The following DPP6 variants were observed in gnomAD, a reference collection of about 807,000 sequenced individuals.
The protein encoded by DPP6 is dipeptidyl peptidase like 6.
DPP6 carries 69 observed loss-of-function variants against 122.6 expected under a neutral mutation model. The observed-to-expected ratio is 0.56, with a 90% CI of 0.46 to 0.69. DPP6 has a LOEUF of 0.69. Among genes scored for constraint, DPP6 ranks in the 30% least tolerant of loss-of-function variants. The probability of loss-of-function intolerance (pLI) is 0.00; values close to 1 mark genes in which losing one functional copy is unlikely to be tolerated. For missense variants in DPP6, 928 were observed against 1,116.9 expected, an observed-to-expected ratio of 0.83 and a Z score of 2.41; for synonymous variants, 418 against 433.1, an observed-to-expected ratio of 0.97 and a Z score of 0.43.
chr7:154,589,214 C>T (rs1832659612), intron 5 of DPP6, among the ~76,000 whole-genome samples: 1 of 152,138 alleles, frequency 6.6e-6, no homozygotes, highest in African/African-American at 2.4e-5. Context: ...TTTTCATGTG[C>T]TGATTTTAAC....
At chr7:153,841,935 T>C in the DPP6 span, among the ~76,000 whole-genome samples, 1 of 152,242 alleles carries the variant, frequency 6.6e-6, no homozygotes, top group Non-Finnish European at 1.5e-5. Flanking sequence ...ATTCTTCGTT[T>C]CTAACTAAAT....
the DPP6 span, among the ~76,000 whole-genome samples, chr7:153,871,975 C>T: frequency 8.5e-5 from 13 of 152,318 alleles, no homozygotes; most frequent in African/African-American, 2.9e-4. Flanking sequence ...ATCATCGTCA[C>T]AATTTTTACG....
the DPP6 span, among the ~76,000 whole-genome samples, chr7:153,875,266 T>G: frequency 6.6e-6 from 1 of 152,202 alleles, no homozygotes; most frequent in Admixed American, 6.5e-5. Flanking sequence ...TCTAAAGTTC[T>G]TCTTCAAAAC....
chr7:154,254,873 A>G (rs1329284306), intron 1 of DPP6, among the ~76,000 whole-genome samples: 1 of 152,216 alleles, frequency 6.6e-6, no homozygotes, highest in Admixed American at 6.5e-5. Flanking sequence ...GACAATGAGC[A>G]TGTTGAAAGC....
At chr7:154,516,601 A>G (rs1826534155) in intron 3 of DPP6, among the ~76,000 whole-genome samples, 1 of 152,236 alleles carries the variant, frequency 6.6e-6, no homozygotes, top group African/African-American at 2.4e-5. Context: ...TCACTTGAGT[A>G]GGACTCTATC....
chr7:154,794,023 G>A (rs79503267), intron 10 of DPP6, 56 bp from the exon 11 acceptor site: 229 of 1,583,330 alleles, frequency 1.4e-4, no homozygotes, highest in Admixed American at 4.3e-4. Context: ...CGGTCCCCTG[G>A]CTTCTGTCGT....
At chr7:154,152,220 A>G (rs1206452935) in intron 1 of DPP6, among the ~76,000 whole-genome samples, 1 of 152,020 alleles carries the variant, frequency 6.6e-6, no homozygotes, top group Non-Finnish European at 1.5e-5. Context: ...TGCCACATGG[A>G]AGAGAGCAGG....
chr7:154,436,231 C>G (rs558759848), intron 1 of DPP6, among the ~76,000 whole-genome samples: 1 of 150,780 alleles, frequency 6.6e-6, no homozygotes, highest in Non-Finnish European at 1.5e-5. Context: ...AGCTTCATCT[C>G]GGATGCTTCA....
chr7:154,252,064 G>A (rs1195494521), intron 1 of DPP6, among the ~76,000 whole-genome samples: 1 of 152,242 alleles, frequency 6.6e-6, no homozygotes, highest in East Asian at 1.9e-4. Context: ...GCAATGTACA[G>A]TCTAGCAGTG....
chr7:154,180,169 G>A (rs762527973), intron 1 of DPP6, among the ~76,000 whole-genome samples: 70 of 151,866 alleles, frequency 4.6e-4, no homozygotes, highest in Admixed American at 1.3e-4. Flanking sequence ...CAAACATGGT[G>A]AAACCTCGTC....
intron 1 of DPP6, among the ~76,000 whole-genome samples, chr7:154,153,254 C>T (rs894283047): frequency 2.0e-5 from 3 of 152,270 alleles, no homozygotes; most frequent in South Asian, 4.1e-4. Context: ...GGCGGGATCT[C>T]GGCTCACTGC....
At chr7:154,558,650 A>C (rs1830207424) in intron 4 of DPP6, among the ~76,000 whole-genome samples, 1 of 152,250 alleles carries the variant, frequency 6.6e-6, no homozygotes, top group Non-Finnish European at 1.5e-5. Context: ...AACATGCTGT[A>C]CAGGCTTGGA....
intron 4 of DPP6, among the ~76,000 whole-genome samples, chr7:154,546,977 A>G (rs901534087): frequency 2.0e-5 from 3 of 152,222 alleles, no homozygotes; most frequent in African/African-American, 7.2e-5. Context: ...GAAACAGGGT[A>G]AATTTGGAAG....
At chr7:153,953,523 G>C (rs537468934) in intron 1 of DPP6, among the ~76,000 whole-genome samples, 139 of 152,306 alleles carry the variant, frequency 9.1e-4, no homozygotes, top group African/African-American at 3.2e-3. Context: ...CAGGACGTAG[G>C]GGATAAAGAG....
chr7:154,882,532 G>C (rs1454749271), intron 21 of DPP6, among the ~76,000 whole-genome samples: 1 of 152,190 alleles, frequency 6.6e-6, no homozygotes, highest in African/African-American at 2.4e-5. Context: ...ATGTGCCCCA[G>C]TGATCTGGCT....
intron 21 of DPP6, among the ~76,000 whole-genome samples, chr7:154,882,665 C>T (rs545196456): frequency 6.7e-6 from 1 of 149,610 alleles, no homozygotes; most frequent in Non-Finnish European, 1.5e-5. Context: ...GCAGTTTCCC[C>T]CCCGACACCG....
intron 1 of DPP6, among the ~76,000 whole-genome samples, chr7:154,289,288 G>A (rs981716733): frequency 6.6e-6 from 1 of 152,188 alleles, no homozygotes; most frequent in African/African-American, 2.4e-5. Context: ...CCAGGGTTGC[G>A]TGGGATCCTT....
chr7:153,754,973 C>T, the DPP6 span, among the ~76,000 whole-genome samples: 1 of 151,724 alleles, frequency 6.6e-6, no homozygotes, highest in Non-Finnish European at 1.5e-5. Flanking sequence ...CTTTAAAACT[C>T]TTGTATGATA....
intron 1 of DPP6, among the ~76,000 whole-genome samples, chr7:154,170,686 A>G (rs1355529868): frequency 1.3e-5 from 2 of 152,218 alleles, no homozygotes; most frequent in Non-Finnish European, 2.9e-5. Flanking sequence ...AACAGGACGC[A>G]AGGACTGTGC....
Sources: gnomAD v4.1 joint callset for allele counts (sites outside exome capture counted in the v4.1 genomes callset) on GRCh38, gnomAD v4.1.1 for gene constraint, MANE v1.5 for transcripts, NCBI Gene and HGNC (gene_info 2026-07-23, HGNC 2026-07-21) for gene names.